The following MYO15B variants were observed in gnomAD, a reference collection of about 807,000 sequenced individuals.
MYO15B encodes the protein myosin XVB pseudogene.
In MYO15B, 207 loss-of-function variants were observed where a neutral mutation model predicts 119.3. The ratio of observed to expected loss-of-function variants is 1.73; its 90% CI spans 1.55 to 1.95. The LOEUF is 1.95. MYO15B is among the 30% of genes most tolerant of loss of function. The pLI, the probability that MYO15B is intolerant of heterozygous loss-of-function variation, is 0.00. For synonymous variants in MYO15B, 966 were observed against 498.9 expected, an observed-to-expected ratio of 1.94 and a Z score of -12.48; for missense variants, 2,264 against 1,203.1, an observed-to-expected ratio of 1.88 and a Z score of -13.04.
intron 1 of MYO15B, 121 bp from the exon 2 acceptor site, chr17:75,590,505 T>C (rs2056369370): frequency 5.3e-6 from 2 of 375,576 alleles, no homozygotes; most frequent in Admixed American, 9.1e-5. Flanking sequence ...CAGCCCCCAT[T>C]TTATGGATCA....
At chr17:75,626,008 T>A (rs1426610864) in intron 62 of MYO15B, 31 bp downstream of exon 62, 1 of 699,136 alleles carries the variant, frequency 1.4e-6, no homozygotes, top group East Asian at 2.7e-5. Context: ...AGCACTGGCC[T>A]AGGGACCCTT....
chr17:75,603,431 A>AG, intron 19 of MYO15B, 119 bp downstream of exon 19: 1 of 618,612 alleles, frequency 1.6e-6, no homozygotes, highest in Non-Finnish European at 2.9e-6. Flanking sequence ...CCTAGCACCC[A>AG]ACCCTCCCTC....
At chr17:75,597,048 A>G (rs2056910499) in intron 14 of MYO15B, 149 bp downstream of exon 14, 1 of 573,602 alleles carries the variant, frequency 1.7e-6, no homozygotes, top group Non-Finnish European at 3.1e-6. Flanking sequence ...AGCCTGGGAC[A>G]GCAGCAGCGA....
intron 20 of MYO15B, 119 bp downstream of exon 20, chr17:75,605,740 G>A (rs2057601597): frequency 4.5e-6 from 3 of 660,950 alleles, no homozygotes; most frequent in Non-Finnish European, 5.6e-6. Context: ...GGAGACAGAA[G>A]GGCTGGACGG....
At chr17:75,614,295 C>T (rs747536316) in exon 30 of MYO15B, 4 of 702,728 alleles carry the variant, frequency 5.7e-6, no homozygotes, top group Non-Finnish European at 1.0e-5. Context: ...TGGACCTGAT[C>T]AGCCAGACTG....
rs2147972292 is a variant in MYO15B at position 75,611,675 on chromosome 17, T to C, written c.4504+17T>C. 1 of 702,748 alleles carries C rather than the reference T, an allele frequency of 1.4e-6. No homozygotes were observed. Among genetic ancestry groups the C allele is most frequent in the East Asian group, 2.7e-5 (1 of 37,266 alleles). The allele number at this position is 702,748 out of a possible 1,614,324, so 43.5% of individuals were successfully genotyped here. ...CGGCGGAAAGTGAGTCTTGTTGGTG[T>C]CCTCTTGTTAGGACTCCTTCTCCAG... On this transcript the variant is annotated intron_variant, in intron 24 of 63. Coordinates refer to ENST00000645453, the Ensembl canonical transcript of MYO15B.
chr17:75,611,741 C>T (rs1190171827), intron 24 of MYO15B, 83 bp downstream of exon 24: 1 of 698,826 alleles, frequency 1.4e-6, no homozygotes, highest in Non-Finnish European at 2.6e-6. Context: ...GTGGTTCCTC[C>T]CTCTGATGCT....
chr17:75,612,771 T>C (rs2058107722), intron 25 of MYO15B, 27 bp from the exon 26 acceptor site: 3 of 702,768 alleles, frequency 4.3e-6, no homozygotes, highest in East Asian at 5.4e-5. Context: ...CTGGTGAGCA[T>C]GGACTGAGCC....
At chr17:75,605,975 C>G (rs753629345) in exon 21 of MYO15B, 4 of 702,574 alleles carry the variant, frequency 5.7e-6, no homozygotes, top group East Asian at 5.4e-5. Context: ...CTCCCGCCAG[C>G]GCGTCCTGCC....
Position 75,615,024 on chromosome 17 carries a change from C to T in MYO15B, c.5623C>T (p.Gln1875Ter), listed in dbSNP as rs2058279892. ...GGGAGGGGGCGCCATTGGGCCCACACAGCAGGGCTACCCCATGGGTGAGTG... is the reference window on the plus strand; with the variant it reads ...GGGAGGGGGCGCCATTGGGCCCACATAGCAGGGCTACCCCATGGGTGAGTG... The change falls in exon 33 of 64, where the codon CAG (glutamine) becomes TAG (stop). Residue 1875 changes from glutamine (Q) to a stop codon, truncating the protein, a stop_gained. Transcript: ENST00000645453. LOFTEE classifies it high-confidence loss of function. 1.4e-6 allele frequency: 1 copy of T among 702,984 alleles called. No homozygotes were observed. Among genetic ancestry groups the T allele is most frequent in the Non-Finnish European group, 2.6e-6 (1 of 385,016 alleles). The allele number at this position is 702,984 out of a possible 1,614,324, so 43.5% of individuals were successfully genotyped here. A position where few individuals can be genotyped will look rare whatever the true frequency, so the allele number is the denominator to read the frequency against.
At chr17:75,614,268 TGGC>T (rs750891388) in exon 30 of MYO15B, 1 of 702,820 alleles carries the variant, frequency 1.4e-6, no homozygotes, top group Non-Finnish European at 2.6e-6. Flanking sequence ...AGGACTTGGC[TGGC>T]TGCGACTTTG....
chr17:75,619,813 C>T lies in MYO15B; in HGVS notation c.7301+14C>T, dbSNP rs770331484. ...CTGCTCATACAGGTGCGCTAGCCCA[C>T]GACCCTGGGCTAGAGGTGGGGGCAG... On this transcript the variant is annotated intron_variant, in intron 46 of 63. Transcript: ENST00000645453. 17 of 702,662 alleles carry T rather than the reference C, an allele frequency of 2.4e-5. No homozygotes were observed. The highest frequency in any genetic ancestry group is 2.3e-4 in the Middle Eastern group (1 of 4,392). 43.5% of individuals were successfully genotyped at this position (702,662 alleles called of 1,614,324 possible).
intron 44 of MYO15B, 24 bp from the exon 45 acceptor site, chr17:75,619,334 A>G (rs911483423): frequency 4.0e-5 from 28 of 702,398 alleles, no homozygotes; most frequent in Admixed American, 3.2e-4. Flanking sequence ...AGCAGAGGGC[A>G]GCCTGGGTCC....
At chr17:75,618,657 CAAG>C (rs1253481990) in intron 43 of MYO15B, among the ~76,000 whole-genome samples, 5 of 152,150 alleles carry the variant, frequency 3.3e-5, no homozygotes, top group Admixed American at 6.5e-5. Flanking sequence ...TCAACAACAA[CAAG>C]AAGTAGGGAC....
intron 43 of MYO15B, among the ~76,000 whole-genome samples, chr17:75,618,433 T>C (rs529415760): frequency 6.6e-6 from 1 of 152,242 alleles, no homozygotes; most frequent in African/African-American, 2.4e-5. Context: ...GGCAGGTGGA[T>C]CATGAGGTCA....
Position 75,624,164 on chromosome 17 carries a change from C to A in MYO15B, c.8273-11C>A. The A allele has an allele frequency of 1.4e-6, 1 of 702,898 alleles. No individual in the cohort carries two copies. The highest frequency in any genetic ancestry group is 2.6e-6 in the Non-Finnish European group (1 of 384,910). The allele number at this position is 702,898 out of a possible 1,614,324, so 43.5% of individuals were successfully genotyped here. ...TGGCCATCTCATAACCCCAGGCTGG[C>A]TTCTCTGCAGAGCTGGCCCGGAGCA... On this transcript the variant is annotated splice_polypyrimidine_tract_variant and intron_variant, in intron 55 of 63. Transcript: ENST00000645453.
rs868574310 is a variant in MYO15B, at chr17:75,624,542, G to T, written c.8446-1G>T. On this transcript the variant is annotated splice_acceptor_variant, in intron 57 of 63. Coordinates refer to ENST00000645453, the Ensembl canonical transcript of MYO15B. LOFTEE classifies it high-confidence loss of function. ...TCATCACAGTCTGTCCACATGCCCAGGTAGCAGCAGAAGTGCAGGAGGAGC... is the reference window on the plus strand; with the variant it reads ...TCATCACAGTCTGTCCACATGCCCATGTAGCAGCAGAAGTGCAGGAGGAGC... 2 of 702,968 alleles carry T rather than the reference G, an allele frequency of 2.8e-6. No homozygotes were observed. The highest frequency in any genetic ancestry group is 5.2e-6 in the Non-Finnish European group (2 of 385,024). The allele number at this position is 702,968 out of a possible 1,614,324, so 43.5% of individuals were successfully genotyped here.
intron 14 of MYO15B, among the ~76,000 whole-genome samples, chr17:75,600,249 G>C (rs189887794): frequency 6.6e-6 from 1 of 151,828 alleles, no homozygotes; most frequent in South Asian, 2.1e-4. Context: ...GGATGGTCTC[G>C]ATCTCCTGAC....
intron 6 of MYO15B, 23 bp downstream of exon 6, chr17:75,592,103 G>T (rs1211574109): frequency 2.8e-6 from 2 of 702,676 alleles, no homozygotes; most frequent in South Asian, 3.0e-5. Flanking sequence ...GTTGCAGGGG[G>T]CACCTACAAT....
Sources: allele counts gnomAD v4.1 joint callset (sites outside exome capture counted in the v4.1 genomes callset), GRCh38; gene constraint gnomAD v4.1.1; transcripts MANE v1.5; gene names NCBI Gene and HGNC (gene_info 2026-07-23, HGNC 2026-07-21).